Variants in CD163L1 observed in about 807,000 individuals in gnomAD.
CD163L1 encodes the protein CD163 molecule like 1.
A neutral mutation model predicts 165.4 loss-of-function variants in CD163L1; 124 were observed. The observed-to-expected ratio is 0.75, with a 90% CI of 0.65 to 0.87. The LOEUF is 0.87. Ranked by LOEUF, CD163L1 falls within the 40% of genes least tolerant of loss-of-function variation. The pLI, the probability that CD163L1 is intolerant of heterozygous loss-of-function variation, is 0.00. For missense variants in CD163L1, 1,525 were observed against 1,799.9 expected (o/e 0.85, Z 2.76); for synonymous variants, 585 against 662.2 (o/e 0.88, Z 1.79).
At chr12:7,328,594 G>A in the CD163L1 span, 1 of 315,236 alleles carries the variant, frequency 3.2e-6, no homozygotes, top group Admixed American at 4.9e-5. Context: ...ACTGACAAAG[G>A]TAATGATGAT....
At chr12:7,389,340 C>T (rs80173270) in intron 8 of CD163L1, among the ~76,000 whole-genome samples, 9,852 of 152,190 alleles carry the variant, frequency 0.065, 664 homozygotes, top group Admixed American at 0.21. Context: ...TTGATTTGCA[C>T]TTCTCTGATG....
intron 1 of CD163L1, among the ~76,000 whole-genome samples, 181 bp downstream of exon 1, chr12:7,443,916 G>GT (rs1254919692): frequency 1.3e-5 from 2 of 151,926 alleles, no homozygotes; most frequent in Non-Finnish European, 2.9e-5. Context: ...TTGGATTTCA[G>GT]TTTTGCCTCC....
downstream of CD163L1, among the ~76,000 whole-genome samples, chr12:7,352,084 G>T (rs1377496284): frequency 1.3e-5 from 2 of 151,954 alleles, no homozygotes; most frequent in Non-Finnish European, 2.9e-5. Context: ...ATAACTTTTG[G>T]CAATCATCAT....
At chr12:7,437,416 G>A (rs190518321) in intron 2 of CD163L1, among the ~76,000 whole-genome samples, 4 of 150,918 alleles carry the variant, frequency 2.7e-5, no homozygotes, top group Admixed American at 1.3e-4. Context: ...TACATGTGCC[G>A]TGTTGGTGTG....
At chr12:7,380,328 T>TGTACACAC in intron 8 of CD163L1, among the ~76,000 whole-genome samples, 1 of 147,450 alleles carries the variant, frequency 6.8e-6, no homozygotes, top group Non-Finnish European at 1.5e-5. Flanking sequence ...CATATATGTA[T>TGTACACAC]GTATACACGT....
At position 7,368,939 on chromosome 12, in the gene CD163L1, A is replaced by G. The variant is rs145256685; in HGVS notation, c.4066T>C (p.Ser1356Pro). ...SGQSLKSLNASSGHLALILSS... is the reference protein window; with the variant it reads ...SGQSLKSLNAPSGHLALILSS... Reference sequence around the variant, plus strand: ...GATAGGCAGAAGACTATACCTGAGGAGGCATTCAGTGATTTCAGCGACTGT... The same window carrying G: ...GATAGGCAGAAGACTATACCTGAGGGGGCATTCAGTGATTTCAGCGACTGT... Residue 1356 changes from serine (S) to proline (P), a missense_variant, in exon 16 of 20, where the codon TCC becomes CCC. Ser to Pro is a moderately conservative substitution (Grantham distance 74). Transcript: ENST00000313599. The surrounding 1 kb of genome is among the most constrained non-coding windows in gnomAD (Gnocchi z 4.3). The G allele has an allele frequency of 3.0e-3, 4,772 of 1,613,598 alleles. 6 individuals carry two copies. Among genetic ancestry groups the G allele is most frequent in the Non-Finnish European group, 3.4e-3 (3,997 of 1,179,780 alleles).
intron 5 of CD163L1, among the ~76,000 whole-genome samples, chr12:7,404,367 T>A (rs1947973239): frequency 1.3e-5 from 2 of 151,870 alleles, no homozygotes; most frequent in Admixed American, 6.6e-5. Context: ...AGAAATATGT[T>A]CTTTCTCATA....
chr12:7,332,521 G>C, the CD163L1 span, among the ~76,000 whole-genome samples: 1 of 152,156 alleles, frequency 6.6e-6, no homozygotes, highest in African/African-American at 2.4e-5. Flanking sequence ...AAATGTTAAG[G>C]GCAGCCAGGG....
chr12:7,327,572 A>G, the CD163L1 span, among the ~76,000 whole-genome samples: 1 of 152,228 alleles, frequency 6.6e-6, no homozygotes, highest in Non-Finnish European at 1.5e-5. Flanking sequence ...AGGATTTAAG[A>G]ACAATACTAC....
Position 7,400,201 on chromosome 12 carries a change from A to G in CD163L1, c.1409-1617T>C, listed in dbSNP as rs768588778. Among the ~76,000 whole-genome samples the G allele has an allele frequency of 2.6e-5, 4 of 152,332 alleles. No individual in the cohort carries two copies. The South Asian group carries it at 8.3e-4, about 32-fold the overall frequency. On this transcript the variant is annotated intron_variant, in intron 6 of 19. Transcript: ENST00000313599. This position sits in a 1 kb window ranked among gnomAD's most constrained non-coding sequence, Gnocchi z 4.1. ...GGTTAATTTTTCATTTTCACAAATTACACTGCTACGGACATCCTTACACAT... is the reference window on the plus strand; with the variant it reads ...GGTTAATTTTTCATTTTCACAAATTGCACTGCTACGGACATCCTTACACAT...
chr12:7,403,025 TTTTC>T (rs1176020305), intron 6 of CD163L1, among the ~76,000 whole-genome samples: 1 of 152,116 alleles, frequency 6.6e-6, no homozygotes, highest in African/African-American at 2.4e-5. Flanking sequence ...TACACATAGA[TTTTC>T]TTTGTTTTCA....
Position 7,375,469 on chromosome 12 carries a change from C to T in CD163L1, c.2813G>A (p.Cys938Tyr). Residue 938 changes from cysteine (C) to tyrosine (Y), a missense_variant, in exon 11 of 20, where the codon TGC (cysteine) becomes TAC (tyrosine). Transcript: ENST00000313599. ...AGCAGTCCCACAGCTGAGCTGTCTG[C>T]ATAGAACACGGGCATCTTCTGGGTC... ...HWDPEDARVL[C>Y]RQLSCGTALS... 1 of 1,614,150 alleles carries T rather than the reference C, an allele frequency of 6.2e-7. No homozygotes were observed. The highest frequency in any genetic ancestry group is 1.1e-5 in the South Asian group (1 of 91,078).
At position 7,374,545 on chromosome 12, in the gene CD163L1, G is replaced by A; in HGVS notation, c.3306C>T (p.Asp1102=). The part of the protein sequence containing the change: ...GEGSGPIWLD[D]LNCTGMESHL... ...GGGACTCCATTCCTGTGCAGTTCAGGTCATCCAGCCAGATGGGCCCTGACC... is the reference window on the plus strand; with the variant it reads ...GGGACTCCATTCCTGTGCAGTTCAGATCATCCAGCCAGATGGGCCCTGACC... The change falls in exon 13 of 20, where the codon GAC becomes GAT. Residue 1102 remains aspartate, a synonymous_variant. Coordinates refer to ENST00000313599, the MANE Select transcript of CD163L1 (RefSeq NM_174941.6). The surrounding 1 kb of genome is among the most constrained non-coding windows in gnomAD (Gnocchi z 5.4). The A allele has an allele frequency of 6.2e-7, 1 of 1,614,206 alleles. No homozygotes were observed. The highest frequency in any genetic ancestry group is 8.5e-7 in the Non-Finnish European group (1 of 1,180,036).
At chr12:7,346,022 C>T (rs1331755141), downstream of CD163L1, among the ~76,000 whole-genome samples, 1 of 152,156 alleles carries the variant, frequency 6.6e-6, no homozygotes, top group Non-Finnish European at 1.5e-5. Flanking sequence ...GGCCCAATCT[C>T]CAACTTCGGG....
chr12:7,437,274 CT>C (rs1289213603), intron 2 of CD163L1, among the ~76,000 whole-genome samples: 2 of 11,786 alleles, frequency 1.7e-4, no homozygotes, highest in Non-Finnish European at 1.1e-3. Context: ...AAAAGTATTA[CT>C]TTTTATTTTA....
At chr12:7,320,889 C>T in the CD163L1 span, 15 of 1,148,632 alleles carry the variant, frequency 1.3e-5, no homozygotes, top group Admixed American at 2.9e-4. Context: ...CATAGGATAG[C>T]TCAGGCTTTC....
At chr12:7,353,742 A>G (rs1463722071), downstream of CD163L1, among the ~76,000 whole-genome samples, 1 of 152,048 alleles carries the variant, frequency 6.6e-6, no homozygotes, top group East Asian at 1.9e-4. Context: ...TTTCATATTT[A>G]TTATTGTTCT....
intron 4 of CD163L1, among the ~76,000 whole-genome samples, chr12:7,431,903 C>T (rs1210174308): frequency 6.6e-6 from 1 of 152,102 alleles, no homozygotes; most frequent in Non-Finnish European, 1.5e-5. Flanking sequence ...TTGGACCCTT[C>T]GTAGCACACG....
downstream of CD163L1, among the ~76,000 whole-genome samples, chr12:7,352,854 C>A (rs1946716837): frequency 6.6e-6 from 1 of 151,850 alleles, no homozygotes; most frequent in Non-Finnish European, 1.5e-5. Context: ...AGATTAGAAA[C>A]CAGAATTACT....
Sources: gnomAD v4.1 joint callset for allele counts (sites outside exome capture counted in the v4.1 genomes callset) on GRCh38, gnomAD v4.1.1 for gene constraint, Gnocchi (gnomAD v3.1) non-coding constraint, MANE v1.5 for transcripts, NCBI Gene and HGNC (gene_info 2026-07-23, HGNC 2026-07-21) for gene names.